CHRM3: variants seen among roughly 807,000 people sequenced by gnomAD.
The protein encoded by CHRM3 is cholinergic receptor muscarinic 3.
A neutral mutation model predicts 41.8 loss-of-function variants in CHRM3; 11 were observed. The observed-to-expected ratio is 0.26, with a 90% CI of 0.17 to 0.44. The LOEUF (loss-of-function observed/expected upper bound fraction) is 0.44, where lower values mean the gene tolerates loss of function less well. CHRM3 is among the 20% of genes least tolerant of loss of function. CHRM3 has a pLI of 1.00. For missense variants in CHRM3, 571 were observed against 745.4 expected, an observed-to-expected ratio of 0.77 and a Z score of 2.72; for synonymous variants, 297 against 301.4, an observed-to-expected ratio of 0.99 and a Z score of 0.15.
intron 4 of CHRM3, among the ~76,000 whole-genome samples, chr1:239,667,747 C>T (rs1490322864): frequency 1.3e-5 from 2 of 152,090 alleles, no homozygotes; most frequent in African/African-American, 4.8e-5. Flanking sequence ...TGTGTACAAA[C>T]CCCCTTATCT....
chr1:239,417,873 T>A (rs187745131), intron 1 of CHRM3, among the ~76,000 whole-genome samples: 1 of 152,260 alleles, frequency 6.6e-6, no homozygotes, highest in East Asian at 1.9e-4. Flanking sequence ...CAGCAGATAA[T>A]CAGTTCTAAC....
intron 5 of CHRM3, among the ~76,000 whole-genome samples, chr1:239,749,745 G>T (rs1198208355): frequency 6.6e-6 from 1 of 152,148 alleles, no homozygotes; most frequent in Non-Finnish European, 1.5e-5. Flanking sequence ...GTCAGTTTGT[G>T]CAAGGGCAGT....
intron 1 of CHRM3, among the ~76,000 whole-genome samples, chr1:239,436,541 C>T (rs1021970847): frequency 6.6e-6 from 1 of 151,862 alleles, no homozygotes; most frequent in Non-Finnish European, 1.5e-5. Flanking sequence ...CTTTGAATCG[C>T]CGGCTCTGCT....
At chr1:239,484,131 G>C (rs566246448) in intron 1 of CHRM3, among the ~76,000 whole-genome samples, 1 of 152,186 alleles carries the variant, frequency 6.6e-6, no homozygotes, top group Admixed American at 6.5e-5. Context: ...CTGAGACTGA[G>C]TAATTTATAA....
chr1:239,429,887 T>A (rs541271523), intron 1 of CHRM3, among the ~76,000 whole-genome samples: 8 of 152,068 alleles, frequency 5.3e-5, no homozygotes, highest in Admixed American at 4.6e-4. Context: ...TTGTTAAATT[T>A]ATTAAAGTTT....
intron 1 of CHRM3, among the ~76,000 whole-genome samples, chr1:239,400,943 G>T (rs1659917845): frequency 3.9e-5 from 6 of 152,176 alleles, no homozygotes; most frequent in Admixed American, 3.9e-4. Context: ...AGCTGATGAT[G>T]TCGCAGAAGC....
At chr1:239,408,534 A>AAC (rs566517679) in intron 1 of CHRM3, among the ~76,000 whole-genome samples, 7,084 of 150,606 alleles carry the variant, frequency 0.047, 210 homozygotes, top group South Asian at 0.077. Context: ...AAAAAAAAAA[A>AAC]AAAAAAAAAA....
At chr1:239,486,940 T>C (rs960263542) in intron 1 of CHRM3, among the ~76,000 whole-genome samples, 1 of 152,232 alleles carries the variant, frequency 6.6e-6, no homozygotes, top group Non-Finnish European at 1.5e-5. Context: ...TAAATGAAAA[T>C]ATGAAGAACC....
intron 1 of CHRM3, among the ~76,000 whole-genome samples, chr1:239,404,382 A>AAGAAAGAAAGAAAG (rs1660294339): frequency 3.8e-5 from 3 of 78,458 alleles, no homozygotes; most frequent in African/African-American, 1.1e-4. Context: ...GAAAGAAAGA[A>AAGAAAGAAAGAAAG]AGAAAGAAAG....
At chr1:239,891,381 A>G (rs7521361) in intron 6 of CHRM3, among the ~76,000 whole-genome samples, 2,546 of 152,104 alleles carry the variant, frequency 0.017, 79 homozygotes, top group African/African-American at 0.059. Context: ...TTCCATTTGC[A>G]TTGCTTTCAC....
chr1:239,874,818 C>T (rs1676980865), intron 6 of CHRM3, among the ~76,000 whole-genome samples: 1 of 151,976 alleles, frequency 6.6e-6, no homozygotes, highest in Admixed American at 6.6e-5. Context: ...CCCGCCTCAG[C>T]CTCCCGAGTG....
intron 5 of CHRM3, among the ~76,000 whole-genome samples, chr1:239,795,787 T>G (rs182462848): frequency 6.6e-6 from 1 of 152,318 alleles, no homozygotes; most frequent in Non-Finnish European, 1.5e-5. Flanking sequence ...AGTGGATTGT[T>G]TTTTCCAGAT....
intron 5 of CHRM3, among the ~76,000 whole-genome samples, chr1:239,743,739 C>T (rs1303360417): frequency 6.7e-6 from 1 of 149,456 alleles, no homozygotes; most frequent in Non-Finnish European, 1.5e-5. Flanking sequence ...AACTCAGTTT[C>T]TCCTTGCCTC....
intron 5 of CHRM3, among the ~76,000 whole-genome samples, chr1:239,733,167 C>G (rs1664105565): frequency 6.6e-6 from 1 of 152,120 alleles, no homozygotes; most frequent in East Asian, 1.9e-4. Flanking sequence ...ACTAAATGTT[C>G]CCTGAGCTCT....
At position 239,690,678 on chromosome 1, in the gene CHRM3, AC is replaced by A. The variant is rs1659631050; in HGVS notation, c.-147+12394del. Among the ~76,000 whole-genome samples, 4 of 152,114 alleles carry A rather than the reference AC, an allele frequency of 2.6e-5. No homozygotes were observed. The South Asian group carries it at 8.3e-4, about 32-fold the overall frequency. ...AATAGGACTATATTTGTCAAAATTT[AC>A]CCCTTATATGGAAATTCACAATAAT... On this transcript the variant is annotated intron_variant, in intron 5 of 6. Transcript: ENST00000676153.
chr1:239,420,297 C>A (rs547746600), intron 1 of CHRM3, among the ~76,000 whole-genome samples: 1 of 152,346 alleles, frequency 6.6e-6, no homozygotes, highest in African/African-American at 2.4e-5. Flanking sequence ...TCCTTGCTCT[C>A]TCAGCCGCAT....
At chr1:239,524,857 A>C (rs1478009217) in intron 2 of CHRM3, among the ~76,000 whole-genome samples, 1 of 152,164 alleles carries the variant, frequency 6.6e-6, no homozygotes, top group Non-Finnish European at 1.5e-5. Flanking sequence ...TTTATGTTTA[A>C]AGATATCTAA....
rs945659616 is a variant in CHRM3, at chr1:239,387,382, G to C, written c.-521+155G>C. Among the ~76,000 whole-genome samples, 1 of 152,042 alleles carries C rather than the reference G, an allele frequency of 6.6e-6. No homozygotes were observed. Among genetic ancestry groups the C allele is most frequent in the African/African-American group, 2.4e-5 (1 of 41,408 alleles). On this transcript the variant is annotated intron_variant, in intron 1 of 6. Coordinates refer to ENST00000676153, the MANE Select transcript of CHRM3 (RefSeq NM_001375978.1). The surrounding 1 kb of genome is among the most constrained non-coding windows in gnomAD (Gnocchi z 5.1). ...TGGAGTCCAAAGAAGGGGCTGGGTA[G>C]GGACGAGAGAGGCTGTTGATTTGGG...
intron 3 of CHRM3, among the ~76,000 whole-genome samples, chr1:239,624,712 A>G (rs1205058254): frequency 1.0e-5 from 1 of 96,846 alleles, no homozygotes; most frequent in Non-Finnish European, 2.0e-5. Context: ...TCAGCTTTCT[A>G]CATATGGCTA....
Sources: gnomAD v4.1 joint callset for allele counts (sites outside exome capture counted in the v4.1 genomes callset) on GRCh38, gnomAD v4.1.1 for gene constraint, Gnocchi (gnomAD v3.1) non-coding constraint, MANE v1.5 for transcripts, NCBI Gene and HGNC (gene_info 2026-07-23, HGNC 2026-07-21) for gene names.